ZNF469: variants seen among roughly 807,000 people sequenced by gnomAD.
ZNF469 encodes the protein zinc finger protein 469.
Under a neutral mutation model 1.0 loss-of-function variants are expected in ZNF469, and 1 was observed. The observed-to-expected ratio is 1.00, with a 90% CI of 0.35 to 4.73. The LOEUF is 4.73. Among genes scored for constraint, ZNF469 ranks in the 30% most tolerant of loss-of-function variants. The pLI, the probability that ZNF469 is intolerant of heterozygous loss-of-function variation, is 0.16. For synonymous variants in ZNF469, 2,703 were observed against 2,363.4 expected (o/e 1.14, Z -4.17); for missense variants, 6,100 against 5,356.3 (o/e 1.14, Z -4.33).
chr16:88,172,706 G>A, the ZNF469 span, among the ~76,000 whole-genome samples: 3,131 of 152,300 alleles, frequency 0.021, 59 homozygotes, highest in Non-Finnish European at 0.031. Context: ...TATTAAAAAT[G>A]TTTTCCATGT....
At chr16:88,269,868 C>T in the ZNF469 span, among the ~76,000 whole-genome samples, 3 of 152,126 alleles carry the variant, frequency 2.0e-5, no homozygotes, top group South Asian at 2.1e-4. Flanking sequence ...GACTTCCCGG[C>T]GTAGATGCTC....
the ZNF469 span, among the ~76,000 whole-genome samples, chr16:88,343,534 G>A: frequency 1.3e-5 from 2 of 152,102 alleles, no homozygotes; most frequent in Non-Finnish European, 2.9e-5. Context: ...AGTTTATAAA[G>A]GAAAGAAGTT....
At chr16:88,164,762 A>G in the ZNF469 span, among the ~76,000 whole-genome samples, 16 of 152,188 alleles carry the variant, frequency 1.1e-4, no homozygotes, top group African/African-American at 3.9e-4. Context: ...AAGCCCTTAA[A>G]TCTTCACAGG....
chr16:88,108,507 A>C, the ZNF469 span, among the ~76,000 whole-genome samples: 2 of 152,216 alleles, frequency 1.3e-5, no homozygotes. Flanking sequence ...GTCAAGTTGC[A>C]CAAACCTGGT....
the ZNF469 span, among the ~76,000 whole-genome samples, chr16:88,321,157 G>A: frequency 2.0e-5 from 3 of 152,260 alleles, no homozygotes; most frequent in Non-Finnish European, 4.4e-5. Flanking sequence ...TGTCCAGGCT[G>A]TCCTGGGCGA....
chr16:88,130,185 G>T, the ZNF469 span, among the ~76,000 whole-genome samples: 1 of 152,168 alleles, frequency 6.6e-6, no homozygotes, highest in Admixed American at 6.5e-5. Context: ...CAGCATCGGG[G>T]TGCGTGCGCA....
At chr16:88,167,341 C>T in the ZNF469 span, among the ~76,000 whole-genome samples, 12,514 of 152,150 alleles carry the variant, frequency 0.082, 725 homozygotes, top group East Asian at 0.24. Context: ...GGATTACAGG[C>T]GTGAGCCACC....
the ZNF469 span, among the ~76,000 whole-genome samples, chr16:88,305,667 TAC>T: frequency 3.3e-4 from 50 of 151,278 alleles, no homozygotes; most frequent in African/African-American, 1.1e-3. Flanking sequence ...CACCTTCACA[TAC>T]ACACACATGC....
the ZNF469 span, among the ~76,000 whole-genome samples, chr16:88,139,111 A>G: frequency 6.6e-6 from 1 of 152,254 alleles, no homozygotes; most frequent in Non-Finnish European, 1.5e-5. Flanking sequence ...GAAGAGTGAA[A>G]TGAGAGGGTG....
the ZNF469 span, among the ~76,000 whole-genome samples, chr16:88,206,183 G>A: frequency 4.6e-5 from 7 of 152,192 alleles, no homozygotes; most frequent in Admixed American, 2.6e-4. Context: ...GAGTCCAGCC[G>A]GGATAGGACT....
chr16:88,227,312 G>C, the ZNF469 span, among the ~76,000 whole-genome samples: 4 of 152,202 alleles, frequency 2.6e-5, no homozygotes, highest in Non-Finnish European at 4.4e-5. Flanking sequence ...AGCGGGGAAG[G>C]GGGAGGAAGG....
the ZNF469 span, among the ~76,000 whole-genome samples, chr16:88,269,489 C>T: frequency 1.3e-5 from 2 of 152,120 alleles, no homozygotes; most frequent in African/African-American, 2.4e-5. Flanking sequence ...TCCCAATCCT[C>T]ATCTTTATTT....
intron 1 of ZNF469, among the ~76,000 whole-genome samples, chr16:88,419,231 G>T (rs1360830999): frequency 6.6e-6 from 1 of 152,236 alleles, no homozygotes; most frequent in Non-Finnish European, 1.5e-5. Flanking sequence ...ACGGAAGGGG[G>T]GTCAGACAGC....
At chr16:88,315,831 A>T in the ZNF469 span, among the ~76,000 whole-genome samples, 1 of 152,154 alleles carries the variant, frequency 6.6e-6, no homozygotes, top group African/African-American at 2.4e-5. Context: ...GGAGACACGG[A>T]GCAGCGGCAG....
At chr16:88,189,185 C>A in the ZNF469 span, among the ~76,000 whole-genome samples, 2 of 152,228 alleles carry the variant, frequency 1.3e-5, no homozygotes, top group South Asian at 4.1e-4. The surrounding 1 kb of genome is among the most constrained non-coding windows in gnomAD (Gnocchi z 4.3). Flanking sequence ...TGGACCTTCC[C>A]AAGTGCAGAG....
the ZNF469 span, among the ~76,000 whole-genome samples, chr16:88,167,154 C>G: frequency 3.9e-3 from 584 of 151,002 alleles, 8 homozygotes; most frequent in African/African-American, 0.014. Flanking sequence ...CTCCGCCTCC[C>G]GGGTTCAAGC....
At chr16:88,133,734 A>C in the ZNF469 span, among the ~76,000 whole-genome samples, 407 of 152,242 alleles carry the variant, frequency 2.7e-3, 3 homozygotes, top group African/African-American at 9.3e-3. Flanking sequence ...TAAAGTTATA[A>C]AATTCTTGTG....
chr16:88,106,310 G>A, the ZNF469 span, among the ~76,000 whole-genome samples: 1 of 152,202 alleles, frequency 6.6e-6, no homozygotes, highest in Non-Finnish European at 1.5e-5. Context: ...CACCTATGGG[G>A]CTCAGCACAG....
At chr16:88,171,104 G>A in the ZNF469 span, among the ~76,000 whole-genome samples, 26 of 152,282 alleles carry the variant, frequency 1.7e-4, no homozygotes, top group South Asian at 6.2e-4. Flanking sequence ...AAAGAAATAC[G>A]TTAAATAAAT....
Sources: gnomAD v4.1 joint callset for allele counts (sites outside exome capture counted in the v4.1 genomes callset) on GRCh38, gnomAD v4.1.1 for gene constraint, Gnocchi (gnomAD v3.1) non-coding constraint, MANE v1.5 for transcripts, NCBI Gene and HGNC (gene_info 2026-07-23, HGNC 2026-07-21) for gene names.